Variants in VPS13D observed in about 807,000 individuals in gnomAD.
VPS13D encodes intermembrane lipid transfer protein VPS13D.
Under a neutral mutation model 461.9 loss-of-function variants are expected in VPS13D, and 187 were observed. The ratio of observed to expected loss-of-function variants is 0.40; its 90% confidence interval spans 0.36 to 0.46. The LOEUF is 0.46. Ranked by LOEUF, VPS13D falls within the 20% of genes least tolerant of loss-of-function variation. VPS13D has a pLI of 0.60. For synonymous variants in VPS13D, 1,951 were observed against 1,986.3 expected (o/e 0.98, Z 0.47); for missense variants, 4,711 against 5,364.9 (o/e 0.88, Z 3.81).
At chr1:12,329,030 T>C (rs1287270372) in intron 36 of VPS13D, among the ~76,000 whole-genome samples, 2 of 152,140 alleles carry the variant, frequency 1.3e-5, no homozygotes, top group East Asian at 3.9e-4. Flanking sequence ...CAGGGCTACT[T>C]GGTTAAAAGT....
At position 12,362,673 on chromosome 1, in the gene VPS13D, T is replaced by G. The variant is rs762133455; in HGVS notation, c.10142-47T>G. Reference sequence around the variant, plus strand: ...ATTTATTTTTGTCAGACCAAGAGTTTTCTCTCTTCATGGTTAACTCATAAA... The same window carrying G: ...ATTTATTTTTGTCAGACCAAGAGTTGTCTCTCTTCATGGTTAACTCATAAA... On this transcript the variant is annotated intron_variant, in intron 50 of 69. Transcript: ENST00000620676. 3.7e-5 allele frequency: 58 copies of G among 1,580,812 alleles called. No homozygotes were observed. In the Admixed American group the frequency reaches 1.1e-3, roughly 29 times the overall value.
intron 5 of VPS13D, among the ~76,000 whole-genome samples, chr1:12,248,582 T>A (rs1569668627): frequency 2.0e-5 from 3 of 152,212 alleles, no homozygotes; most frequent in Non-Finnish European, 4.4e-5. Flanking sequence ...TGGGTTCAAG[T>A]AATATTCCTG....
At chr1:12,424,181 G>A (rs1029782724) in intron 65 of VPS13D, among the ~76,000 whole-genome samples, 3 of 152,180 alleles carry the variant, frequency 2.0e-5, no homozygotes, top group African/African-American at 7.2e-5. Context: ...TTCCCTTAGA[G>A]AATGTAAGGC....
chr1:12,258,024 A>G lies in VPS13D; in HGVS notation c.1031A>G (p.His344Arg), dbSNP rs1443282032. The G allele has an allele frequency of 1.2e-6, 2 of 1,614,084 alleles. No homozygotes were observed. Among genetic ancestry groups the G allele is most frequent in the East Asian group, 4.5e-5 (2 of 44,902 alleles). The part of the protein sequence containing the change: ...RKRCTWDFML[H>R]RARDAVSYTD... ...CGTTGCACCTGGGACTTTATGTTGC[A>G]CCGCGCTCGTGATGCTGTATCTTAC... is the stretch of plus-strand genomic sequence containing the variant. Residue 344 changes from histidine (H) to arginine (R), a missense_variant, in exon 10 of 70, where the codon CAC (histidine) becomes CGC (arginine). By Grantham distance (29) the His-to-Arg change is conservative (BLOSUM62 0). This residue lies in a region of VPS13D where 4,411 missense variants were observed against 4,937.8 expected (regional missense o/e 0.89). Transcript: ENST00000620676.
intron 67 of VPS13D, among the ~76,000 whole-genome samples, chr1:12,462,586 G>T (rs1645426259): frequency 6.6e-6 from 1 of 152,204 alleles, no homozygotes; most frequent in Non-Finnish European, 1.5e-5. Context: ...CTTAGACCCA[G>T]CCTATGTCTT....
At chr1:12,242,624 A>G in intron 3 of VPS13D, 34 bp downstream of exon 3, 3 of 1,588,592 alleles carry the variant, frequency 1.9e-6, no homozygotes, top group Middle Eastern at 1.7e-4. Flanking sequence ...AAGAAATTTG[A>G]GTCTTAAATT....
chr1:12,493,693 T>C (rs12726339), intron 67 of VPS13D, among the ~76,000 whole-genome samples: 1 of 152,326 alleles, frequency 6.6e-6, no homozygotes, highest in South Asian at 2.1e-4. Context: ...CGTCACACAG[T>C]GGCCTGGGCT....
Position 12,497,630 on chromosome 1 carries a change from T to C in VPS13D, c.12793T>C (p.Phe4265Leu), listed in dbSNP as rs771659406. The C allele has an allele frequency of 2.5e-6, 4 of 1,612,082 alleles. No homozygotes were observed. Among genetic ancestry groups the C allele is most frequent in the South Asian group, 1.1e-5 (1 of 90,970 alleles). ...ACTCACAGACAACATACAGGACGAA[T>C]TGTAAGTTAGAGCATGGGAAACCAG... ...FKLTDNIQDEFFIAVENIDSY... is the reference protein window; with the variant it reads ...FKLTDNIQDELFIAVENIDSY... Residue 4265 changes from phenylalanine (F) to leucine (L), a missense_variant and splice_region_variant, in exon 68 of 70, where the codon TTC becomes CTC. Physicochemically the swap from Phe to Leu is conservative, Grantham distance 22. This residue lies in a region of VPS13D where 194 missense variants were observed against 220.9 expected (regional missense o/e 0.88). Coordinates refer to ENST00000620676, the MANE Select transcript of VPS13D (RefSeq NM_015378.4).
chr1:12,460,648 A>T (rs1645397958), intron 67 of VPS13D, among the ~76,000 whole-genome samples: 1 of 150,128 alleles, frequency 6.7e-6, no homozygotes, highest in African/African-American at 2.4e-5. Flanking sequence ...ATATGTATGT[A>T]TATATAGCAT....
chr1:12,497,720 T>C (rs976332427), intron 68 of VPS13D, 89 bp downstream of exon 68: 3 of 1,460,970 alleles, frequency 2.1e-6, no homozygotes, highest in Non-Finnish European at 2.7e-6. Flanking sequence ...ATCTGAGTTA[T>C]TTTCATGACT....
intron 2 of VPS13D, among the ~76,000 whole-genome samples, chr1:12,241,233 G>A (rs956963835): frequency 1.3e-5 from 2 of 152,180 alleles, no homozygotes; most frequent in African/African-American, 4.8e-5. Context: ...GTGAGCTGCC[G>A]CACCTGGCCT....
intron 50 of VPS13D, among the ~76,000 whole-genome samples, chr1:12,360,214 A>G (rs1239234358): frequency 6.6e-6 from 1 of 152,228 alleles, no homozygotes; most frequent in Non-Finnish European, 1.5e-5. Flanking sequence ...GGGCTAAGAT[A>G]GGACTTTATC....
At chr1:12,446,580 A>G (rs893221087) in intron 65 of VPS13D, among the ~76,000 whole-genome samples, 1 of 152,032 alleles carries the variant, frequency 6.6e-6, no homozygotes, top group Non-Finnish European at 1.5e-5. Context: ...TTCTTTCCAT[A>G]TCCCCCTATA....
chr1:12,307,269 G>A (rs1036513085), intron 26 of VPS13D, among the ~76,000 whole-genome samples: 10 of 152,126 alleles, frequency 6.6e-5, no homozygotes, highest in African/African-American at 2.4e-4. Context: ...TGTTATCATG[G>A]AAAAGACAGA....
chr1:12,386,151 A>C (rs1644348556), intron 59 of VPS13D, 34 bp from the exon 60 acceptor site: 8 of 1,590,518 alleles, frequency 5.0e-6, no homozygotes, highest in Non-Finnish European at 6.8e-6. Flanking sequence ...TGTGTTTAAA[A>C]CAATCAGGGT....
rs1641168491 is a variant in VPS13D at position 12,263,204 on chromosome 1, T to C, written c.1594+1124T>C. 3.3e-5 allele frequency among the ~76,000 whole-genome samples: 5 copies of C among 152,160 alleles called. No homozygotes were observed. The South Asian group carries it at 1.0e-3, about 31-fold the overall frequency. ...GCACTCAGGACCACTAGGCAGCGTT[T>C]TAGCACTAGGGGCTTGTTTTAAACA... is the stretch of plus-strand genomic sequence containing the variant. On this transcript the variant is annotated intron_variant, in intron 13 of 69. Transcript: ENST00000620676.
At chr1:12,242,215 G>A (rs551725677) in intron 2 of VPS13D, among the ~76,000 whole-genome samples, 6 of 152,282 alleles carry the variant, frequency 3.9e-5, no homozygotes, top group East Asian at 1.9e-4. Flanking sequence ...TAGAGCGGAC[G>A]GCCTGGAAAT....
chr1:12,255,775 C>T (rs548684638), intron 7 of VPS13D, among the ~76,000 whole-genome samples: 1 of 150,738 alleles, frequency 6.6e-6, no homozygotes, highest in Non-Finnish European at 1.5e-5. Flanking sequence ...CCTATAATCC[C>T]AGCTACTCGA....
At chr1:12,451,131 A>T (rs1001106567) in intron 65 of VPS13D, among the ~76,000 whole-genome samples, 3 of 152,164 alleles carry the variant, frequency 2.0e-5, no homozygotes, top group Admixed American at 1.3e-4. Flanking sequence ...CACAGTGTGA[A>T]TTTTTTCCCT....
Sources: gnomAD v4.1 joint callset for allele counts (sites outside exome capture counted in the v4.1 genomes callset) on GRCh38, gnomAD v4.1.1 for gene constraint, gnomAD v4.1.1 regional missense constraint, MANE v1.5 for transcripts, NCBI Gene and HGNC (gene_info 2026-07-23, HGNC 2026-07-21) for gene names.